The following FAM180A variants were observed in gnomAD, a reference collection of about 807,000 sequenced individuals.
The protein encoded by FAM180A is family with sequence similarity 180 member A.
A neutral mutation model predicts 15.3 loss-of-function variants in FAM180A; 14 were observed. The observed-to-expected ratio is 0.92, with a 90% confidence interval of 0.61 to 1.43. The LOEUF (loss-of-function observed/expected upper bound fraction) is 1.43. Among genes scored for constraint, FAM180A ranks in the 40% most tolerant of loss-of-function variants. The pLI is 0.00. For missense variants in FAM180A, 200 were observed against 220.8 expected, an observed-to-expected ratio of 0.91 and a Z score of 0.60; for synonymous variants, 90 against 96.8, an observed-to-expected ratio of 0.93 and a Z score of 0.41.
At chr7:135,743,439 A>T (rs1029543002) in intron 1 of FAM180A, among the ~76,000 whole-genome samples, 43 of 151,652 alleles carry the variant, frequency 2.8e-4, no homozygotes, top group African/African-American at 1.0e-3. Context: ...CTGGTCTCGA[A>T]CTCCTGGCCT....
intron 2 of FAM180A, among the ~76,000 whole-genome samples, chr7:135,736,171 T>C (rs1223096775): frequency 6.6e-6 from 1 of 151,952 alleles, no homozygotes; most frequent in Non-Finnish European, 1.5e-5. Context: ...TACAGGCACG[T>C]GCCACCATGC....
At chr7:135,740,969 C>A (rs112196477) in intron 1 of FAM180A, among the ~76,000 whole-genome samples, 10,455 of 32,550 alleles carry the variant, frequency 0.32, 928 homozygotes, top group African/African-American at 0.52. Flanking sequence ...CAAAACAAAA[C>A]AAAACAAAAA....
chr7:135,731,908 A>G (rs1796788716), intron 3 of FAM180A, among the ~76,000 whole-genome samples: 1 of 152,248 alleles, frequency 6.6e-6, no homozygotes, highest in Non-Finnish European at 1.5e-5. Flanking sequence ...AATCAAATTT[A>G]GCCCAATAAA....
At position 135,734,094 on chromosome 7, in the gene FAM180A, A is replaced by G. The variant is rs1796835180; in HGVS notation, c.403T>C (p.Tyr135His). ...TGGCCGTGGGACAGGGCTGTGCGGTAGGCTGTGTAGGCCAGGGTCAGCACT... is the reference window on the plus strand; with the variant it reads ...TGGCCGTGGGACAGGGCTGTGCGGTGGGCTGTGTAGGCCAGGGTCAGCACT... ...RTVLTLAYTA[Y>H]RTALSHGHQK... Residue 135 changes from tyrosine to histidine, a missense_variant, in exon 3 of 4, where the codon TAC becomes CAC. By Grantham distance (83) the Tyr-to-His change is moderately conservative (BLOSUM62 2). Coordinates refer to ENST00000338588, the MANE Select transcript of FAM180A (RefSeq NM_205855.4). 3 of 1,614,188 alleles carry G rather than the reference A, an allele frequency of 1.9e-6. No homozygotes were observed. Among genetic ancestry groups the G allele is most frequent in the Non-Finnish European group, 2.5e-6 (3 of 1,180,040 alleles).
At position 135,734,026 on chromosome 7, in the gene FAM180A, C is replaced by G. The variant is rs1423530003; in HGVS notation, c.471G>C (p.Gln157His). The change falls in exon 3 of 4, where the codon CAG (glutamine) becomes CAC (histidine). Residue 157 changes from glutamine (Q) to histidine (H), a missense_variant. Gln to His is a conservative substitution (Grantham distance 24). Transcript: ENST00000338588. ...AGCGCATCAAGTCGTGCCTCAGGGC[C>G]TGGAAGAGGCTAACGAGGGACTGCG... ...IWAQSLVSLF[Q>H]ALRHDLMRSS... 1.2e-6 allele frequency: 2 copies of G among 1,613,830 alleles called. No homozygotes were observed. The highest frequency in any genetic ancestry group is 8.5e-7 in the Non-Finnish European group (1 of 1,179,910).
At chr7:135,739,680 TAA>T (rs35701835) in intron 1 of FAM180A, among the ~76,000 whole-genome samples, 3 of 140,286 alleles carry the variant, frequency 2.1e-5, no homozygotes, top group Admixed American at 7.1e-5. Context: ...CAGAAGTGAT[TAA>T]AAAAAAAAAA....
intron 1 of FAM180A, among the ~76,000 whole-genome samples, chr7:135,739,855 ACATACAG>A (rs1796920909): frequency 6.6e-6 from 1 of 152,182 alleles, no homozygotes; most frequent in Non-Finnish European, 1.5e-5. Context: ...GGGCTTTGAT[ACATACAG>A]TTTTATATTC....
chr7:135,731,044 T>C (rs1037390388), intron 3 of FAM180A, among the ~76,000 whole-genome samples: 2 of 152,140 alleles, frequency 1.3e-5, no homozygotes, highest in African/African-American at 4.8e-5. Context: ...TGAATGTTCC[T>C]GGGAACCATC....
At chr7:135,747,578 C>T (rs1345340916) in intron 1 of FAM180A, among the ~76,000 whole-genome samples, 1 of 152,088 alleles carries the variant, frequency 6.6e-6, no homozygotes, top group East Asian at 1.9e-4. Context: ...TCCTTCCTTC[C>T]CTGACACTGT....
intron 1 of FAM180A, among the ~76,000 whole-genome samples, chr7:135,744,246 T>G (rs895129182): frequency 1.4e-4 from 21 of 152,132 alleles, no homozygotes; most frequent in African/African-American, 5.1e-4. Context: ...TCCGATATGT[T>G]CAGTAGTATG....
At chr7:135,730,516 C>T (rs1796766089) in intron 3 of FAM180A, among the ~76,000 whole-genome samples, 1 of 152,148 alleles carries the variant, frequency 6.6e-6, no homozygotes, top group Admixed American at 6.5e-5. Context: ...CAGAGCGAGA[C>T]TGTCCCAAAA....
At chr7:135,741,158 C>T (rs548599289) in intron 1 of FAM180A, among the ~76,000 whole-genome samples, 8 of 152,108 alleles carry the variant, frequency 5.3e-5, no homozygotes, top group Non-Finnish European at 1.0e-4. Context: ...ACATGCTCAC[C>T]CCAGAGGTAC....
intron 1 of FAM180A, among the ~76,000 whole-genome samples, chr7:135,742,999 T>C (rs182085587): frequency 2.0e-5 from 3 of 152,196 alleles, no homozygotes; most frequent in Non-Finnish European, 1.5e-5. Context: ...GCCCAGAGAG[T>C]GGGCATTCTT....
intron 1 of FAM180A, among the ~76,000 whole-genome samples, chr7:135,745,590 T>A (rs1218366719): frequency 1.3e-5 from 2 of 151,924 alleles, no homozygotes; most frequent in Non-Finnish European, 2.9e-5. Context: ...CTGGAATGGG[T>A]GATCCTGGAT....
chr7:135,734,045 G>A lies in FAM180A; in HGVS notation c.452C>T (p.Ser151Phe), dbSNP rs1412266948. 6.2e-7 allele frequency: 1 copy of A among 1,614,100 alleles called. No homozygotes were observed. The highest frequency in any genetic ancestry group is 1.3e-5 in the African/African-American group (1 of 74,954). Residue 151 changes from serine to phenylalanine, a missense_variant, in exon 3 of 4, where the codon TCC becomes TTC. Physicochemically the swap from Ser to Phe is radical, Grantham distance 155. Coordinates refer to ENST00000338588, the MANE Select transcript of FAM180A (RefSeq NM_205855.4). ...HGHQKDIWAQ[S>F]LVSLFQALRH... is the part of the protein sequence containing the mutation. ...CAGGGCCTGGAAGAGGCTAACGAGG[G>A]ACTGCGCCCAGATGTCCTTCTGATG...
At chr7:135,737,026 C>T (rs1796881388) in intron 2 of FAM180A, 73 bp downstream of exon 2, 2 of 1,278,258 alleles carry the variant, frequency 1.6e-6, no homozygotes, top group Non-Finnish European at 2.2e-6. Flanking sequence ...GTCACTTCTC[C>T]TTTTCCAAAA....
chr7:135,740,371 A>G (rs1474370536), intron 1 of FAM180A, among the ~76,000 whole-genome samples: 1 of 152,172 alleles, frequency 6.6e-6, no homozygotes, highest in Non-Finnish European at 1.5e-5. Flanking sequence ...GCTTGACCTG[A>G]AATTGTGTGG....
At chr7:135,731,057 C>T (rs1796773428) in intron 3 of FAM180A, among the ~76,000 whole-genome samples, 1 of 151,736 alleles carries the variant, frequency 6.6e-6, no homozygotes, top group Admixed American at 6.6e-5. Flanking sequence ...GAACCATCTT[C>T]CCATTCATGG....
intron 1 of FAM180A, among the ~76,000 whole-genome samples, chr7:135,740,703 C>G (rs1485768228): frequency 1.3e-5 from 2 of 152,138 alleles, no homozygotes; most frequent in Admixed American, 1.3e-4. Context: ...TCATCATGTT[C>G]TTGGAGGTAA....
Sources: allele counts gnomAD v4.1 joint callset (sites outside exome capture counted in the v4.1 genomes callset), GRCh38; gene constraint gnomAD v4.1.1; transcripts MANE v1.5; gene names NCBI Gene and HGNC (gene_info 2026-07-23, HGNC 2026-07-21).